KCNC2: variants seen among roughly 807,000 people sequenced by gnomAD.
The protein encoded by KCNC2 is voltage-gated potassium channel KCNC2.
Under a neutral mutation model 44.5 loss-of-function variants are expected in KCNC2, and 21 were observed. The ratio of observed to expected loss-of-function variants is 0.47; its 90% confidence interval spans 0.33 to 0.68. The LOEUF (loss-of-function observed/expected upper bound fraction) is 0.68. Among genes scored for constraint, KCNC2 ranks in the 30% least tolerant of loss-of-function variants. KCNC2 has a pLI of 0.01. For synonymous variants in KCNC2, 391 were observed against 339.1 expected, an observed-to-expected ratio of 1.15 and a Z score of -1.68; for missense variants, 589 against 826.2, an observed-to-expected ratio of 0.71 and a Z score of 3.52.
chr12:75,061,772 C>T (rs1882366942), intron 2 of KCNC2, among the ~76,000 whole-genome samples: 1 of 152,020 alleles, frequency 6.6e-6, no homozygotes, highest in East Asian at 1.9e-4. Context: ...ACTTTTCTTA[C>T]TCTTAACCAA....
intron 2 of KCNC2, among the ~76,000 whole-genome samples, chr12:75,070,137 G>T (rs1288395575): frequency 5.3e-5 from 8 of 152,100 alleles, no homozygotes; most frequent in Admixed American, 3.3e-4. Flanking sequence ...ATATTTTTCT[G>T]CCTAGTTTGT....
Position 75,075,065 on chromosome 12 carries a change from G to A in KCNC2, c.688-23748C>T, listed in dbSNP as rs1883796868. On this transcript the variant is annotated intron_variant, in intron 2 of 4. Transcript: ENST00000549446. Reference sequence around the variant, plus strand: ...CATGTGGAGAAGTAGAGGAATGTGAGTCTAGAAAAATTAGACAAAAATAAT... The same window carrying A: ...CATGTGGAGAAGTAGAGGAATGTGAATCTAGAAAAATTAGACAAAAATAAT... Among the ~76,000 whole-genome samples the A allele has an allele frequency of 3.9e-5, 6 of 152,132 alleles. No homozygotes were observed. The South Asian group carries it at 1.2e-3, about 32-fold the overall frequency.
chr12:75,138,258 T>C (rs1238961468), intron 2 of KCNC2, among the ~76,000 whole-genome samples: 2 of 152,206 alleles, frequency 1.3e-5, no homozygotes, highest in Non-Finnish European at 2.9e-5. Flanking sequence ...GCTCATCTTG[T>C]ACCCACTACA....
chr12:75,046,383 G>C (rs1456958390), intron 4 of KCNC2, among the ~76,000 whole-genome samples: 1 of 151,610 alleles, frequency 6.6e-6, no homozygotes, highest in African/African-American at 2.4e-5. Context: ...TCTCATTCGT[G>C]ATTTTCTTTG....
intron 2 of KCNC2, among the ~76,000 whole-genome samples, chr12:75,140,521 C>G (rs139221093): frequency 0.01 from 1,583 of 152,166 alleles, 26 homozygotes; most frequent in African/African-American, 0.033. Flanking sequence ...TTCCCTCCCT[C>G]GAACATTGAT....
chr12:75,047,926 C>G (rs962571545), intron 4 of KCNC2, among the ~76,000 whole-genome samples: 1 of 151,644 alleles, frequency 6.6e-6, no homozygotes. Flanking sequence ...AATGGCAAAC[C>G]AAAGAAGAGA....
intron 2 of KCNC2, among the ~76,000 whole-genome samples, chr12:75,053,524 T>G (rs1881414837): frequency 6.6e-6 from 1 of 151,990 alleles, no homozygotes; most frequent in African/African-American, 2.4e-5. Context: ...AAGTTGCTTG[T>G]TTATGTAAGT....
intron 2 of KCNC2, among the ~76,000 whole-genome samples, chr12:75,133,085 A>G (rs1888969719): frequency 1.3e-5 from 2 of 151,988 alleles, no homozygotes; most frequent in Admixed American, 1.3e-4. Flanking sequence ...ACTCTATTAT[A>G]CCCTAGTTTT....
At chr12:75,139,123 C>G (rs1174000830) in intron 2 of KCNC2, among the ~76,000 whole-genome samples, 1 of 151,890 alleles carries the variant, frequency 6.6e-6, no homozygotes, top group East Asian at 1.9e-4. Flanking sequence ...TCCTAGAGAC[C>G]TCAGGGACCT....
intron 2 of KCNC2, among the ~76,000 whole-genome samples, chr12:75,181,916 CTTTTTTTTTTTTTTTTTTTTTTTTT>C (rs61089425): frequency 2.1e-5 from 1 of 47,840 alleles, no homozygotes; most frequent in Non-Finnish European, 4.0e-5. Flanking sequence ...TAATATCTTC[CTTTTTTTTTTTTTTTTTTTTTTTTT>C]TTTTTTTTTT....
intron 2 of KCNC2, among the ~76,000 whole-genome samples, chr12:75,179,419 A>G (rs1458114692): frequency 6.6e-6 from 1 of 151,930 alleles, no homozygotes; most frequent in Non-Finnish European, 1.5e-5. Context: ...AGTTAACAAA[A>G]AAGAAATGAA....
At chr12:75,118,432 C>T (rs1010388745) in intron 2 of KCNC2, among the ~76,000 whole-genome samples, 1 of 151,970 alleles carries the variant, frequency 6.6e-6, no homozygotes, top group African/African-American at 2.4e-5. Context: ...ATATAATGTA[C>T]TTGGGACAAG....
rs1056173687 is a variant in KCNC2, at chr12:75,167,716, A to C, written c.687+39581T>G. 3.2e-4 allele frequency among the ~76,000 whole-genome samples: 49 copies of C among 151,380 alleles called. 4 individuals carry two copies. The highest frequency in any genetic ancestry group is 5.9e-5 in the Non-Finnish European group (4 of 67,544). On this transcript the variant is annotated intron_variant, in intron 2 of 4. Transcript: ENST00000549446. ...GTTTATGGCTCTTGTGTTTTCTCAA[A>C]AGTACAGCTAAGAAAGATTGAGTTA...
At chr12:75,059,051 T>A (rs1882040660) in intron 2 of KCNC2, among the ~76,000 whole-genome samples, 1 of 152,026 alleles carries the variant, frequency 6.6e-6, no homozygotes. Flanking sequence ...TCCTCCTGTG[T>A]CTGAGGAGCA....
intron 2 of KCNC2, among the ~76,000 whole-genome samples, chr12:75,093,676 T>C (rs1458614): frequency 0.86 from 130,997 of 151,592 alleles, 57,094 homozygotes; most frequent in Non-Finnish European, 0.92. Flanking sequence ...GATCTTAACA[T>C]AATGTGACAT....
chr12:75,126,203 A>G (rs1888412587), intron 2 of KCNC2, among the ~76,000 whole-genome samples: 1 of 152,170 alleles, frequency 6.6e-6, no homozygotes, highest in Non-Finnish European at 1.5e-5. Context: ...TTTCAAATGC[A>G]TGTTTGCTAC....
chr12:75,076,382 C>T (rs1459334684), intron 2 of KCNC2, among the ~76,000 whole-genome samples: 3 of 152,176 alleles, frequency 2.0e-5, no homozygotes, highest in Admixed American at 1.3e-4. Context: ...ACGCCATTCT[C>T]CTGCCTCAGC....
intron 2 of KCNC2, among the ~76,000 whole-genome samples, chr12:75,168,672 G>A (rs1388388252): frequency 1.3e-5 from 2 of 151,492 alleles, no homozygotes; most frequent in East Asian, 1.9e-4. Flanking sequence ...AACTGGCAGA[G>A]GGAGAATTTC....
At chr12:75,078,429 A>C (rs1884189250) in intron 2 of KCNC2, among the ~76,000 whole-genome samples, 1 of 152,210 alleles carries the variant, frequency 6.6e-6, no homozygotes, top group Non-Finnish European at 1.5e-5. Context: ...ACTGTCAAGG[A>C]AATGTAGTAC....
Sources: gnomAD v4.1 joint callset for allele counts (sites outside exome capture counted in the v4.1 genomes callset) on GRCh38, gnomAD v4.1.1 for gene constraint, MANE v1.5 for transcripts, NCBI Gene and HGNC (gene_info 2026-07-23, HGNC 2026-07-21) for gene names.